RERE: variants seen among roughly 807,000 people sequenced by gnomAD.
RERE encodes arginine-glutamic acid dipeptide repeats.
In RERE, 40 loss-of-function variants were observed where a neutral mutation model predicts 146.1. That is an observed-to-expected ratio of 0.27 (90% CI 0.21 to 0.36). The LOEUF is 0.36. Among genes scored for constraint, RERE ranks in the 10% least tolerant of loss-of-function variants. The pLI is 1.00. For synonymous variants in RERE, 1,003 were observed against 866.0 expected, an observed-to-expected ratio of 1.16 and a Z score of -2.78; for missense variants, 1,933 against 2,138.7, an observed-to-expected ratio of 0.90 and a Z score of 1.90.
intron 15 of RERE, among the ~76,000 whole-genome samples, chr1:8,363,454 G>A (rs1477202241): frequency 6.6e-6 from 1 of 152,134 alleles, no homozygotes; most frequent in Admixed American, 6.5e-5. Context: ...AGCCTCAACG[G>A]CATACAAGGG....
At chr1:8,624,481 A>G (rs1306408239) in intron 2 of RERE, 101 bp from the exon 3 acceptor site, 4 of 703,198 alleles carry the variant, frequency 5.7e-6, no homozygotes, top group East Asian at 2.8e-5. Flanking sequence ...GACAAAGCAC[A>G]TATCTTTTAT....
chr1:8,501,766 A>G (rs1314626059), intron 8 of RERE, among the ~76,000 whole-genome samples: 11 of 52,566 alleles, frequency 2.1e-4, no homozygotes, highest in Admixed American at 2.2e-4. Flanking sequence ...AGGTGGGGGG[A>G]TCAGCCCCCC....
At chr1:8,547,045 A>C (rs1645871263) in intron 6 of RERE, among the ~76,000 whole-genome samples, 1 of 151,276 alleles carries the variant, frequency 6.6e-6, no homozygotes, top group African/African-American at 2.4e-5. Context: ...TAATTAATAA[A>C]TCCAATACAA....
At chr1:8,531,181 C>G (rs1246852113) in intron 7 of RERE, among the ~76,000 whole-genome samples, 1 of 151,982 alleles carries the variant, frequency 6.6e-6, no homozygotes, top group Non-Finnish European at 1.5e-5. Context: ...TTGGATGGGC[C>G]CGGGGGCTCA....
In RERE at chr1:8,550,943, T is replaced by G. The variant is rs532078401; in HGVS notation, c.725+5532A>C. ...GCCCTAAACATATACATGAACCTAG[T>G]TGCTCATAACAAAGTAGGGAGATAA... On this transcript the variant is annotated intron_variant, in intron 6 of 22. Coordinates refer to ENST00000400908, the MANE Select transcript of RERE (RefSeq NM_001042681.2). Among the ~76,000 whole-genome samples the G allele has an allele frequency of 4.6e-5, 7 of 152,354 alleles. No individual in the cohort carries two copies. The South Asian group carries it at 1.2e-3, about 27-fold the overall frequency.
intron 10 of RERE, among the ~76,000 whole-genome samples, chr1:8,467,363 G>A (rs1185577464): frequency 6.6e-6 from 1 of 152,188 alleles, no homozygotes. Flanking sequence ...ACAAGATCAA[G>A]TAGGTTGTAA....
intron 12 of RERE, chr1:8,380,637 A>G: frequency 2.8e-6 from 1 of 357,772 alleles, no homozygotes; most frequent in South Asian, 2.1e-5. Flanking sequence ...GTGAGCCACC[A>G]AGCCTGGCCC....
chr1:8,807,656 G>C (rs1311856138), intron 1 of RERE, among the ~76,000 whole-genome samples: 1 of 152,048 alleles, frequency 6.6e-6, no homozygotes, highest in Non-Finnish European at 1.5e-5. Context: ...GATCAATGAA[G>C]ATTAAAAGTT....
chr1:8,392,778 T>C (rs549992805), intron 12 of RERE, among the ~76,000 whole-genome samples: 3 of 152,234 alleles, frequency 2.0e-5, no homozygotes, highest in African/African-American at 7.2e-5. Context: ...TGGGCCATCC[T>C]GTCTGGAAGA....
At chr1:8,790,614 G>A (rs930729754) in intron 1 of RERE, among the ~76,000 whole-genome samples, 1 of 152,168 alleles carries the variant, frequency 6.6e-6, no homozygotes, top group African/African-American at 2.4e-5. Flanking sequence ...ACAGAGTCTT[G>A]CTCTTGTTAT....
chr1:8,512,313 G>A (rs1645352498), intron 7 of RERE, among the ~76,000 whole-genome samples: 1 of 151,988 alleles, frequency 6.6e-6, no homozygotes, highest in Non-Finnish European at 1.5e-5. Flanking sequence ...GATTACAGGC[G>A]TGAGCCACCG....
intron 1 of RERE, among the ~76,000 whole-genome samples, chr1:8,755,669 G>A (rs111941808): frequency 0.014 from 2,168 of 152,296 alleles, 24 homozygotes; most frequent in Non-Finnish European, 0.022. Flanking sequence ...CAATTTAACT[G>A]ACAAGCTACA....
rs138732947 is a variant in RERE at position 8,698,310 on chromosome 1, CTGTCATTT to C, written c.-144-41877_-144-41870del. 4.7e-3 allele frequency among the ~76,000 whole-genome samples: 720 copies of C among 152,288 alleles called. 3 individuals carry two copies. The highest frequency in any genetic ancestry group is 0.017 in the African/African-American group (693 of 41,540). On this transcript the variant is annotated intron_variant, in intron 1 of 22. Coordinates refer to ENST00000400908, the MANE Select transcript of RERE (RefSeq NM_001042681.2). ...GAACATGCAAAAGGAGGTACTTTCACTGTCATTTTATTAAAAGGCACACAAGTCACTAC... is the reference window on the plus strand; with the variant it reads ...GAACATGCAAAAGGAGGTACTTTCACTATTAAAAGGCACACAAGTCACTAC...
At chr1:8,581,904 T>C (rs1364549874) in intron 4 of RERE, among the ~76,000 whole-genome samples, 1 of 151,966 alleles carries the variant, frequency 6.6e-6, no homozygotes, top group African/African-American at 2.4e-5. Context: ...TACATAGAGA[T>C]TTTTTTTCCA....
chr1:8,361,562 G>A (rs1333898305), intron 17 of RERE, 72 bp from the exon 18 acceptor site: 10 of 1,553,932 alleles, frequency 6.4e-6, no homozygotes, highest in Non-Finnish European at 8.8e-6. Context: ...CACCAGTGCC[G>A]GACACACAGT....
intron 4 of RERE, among the ~76,000 whole-genome samples, chr1:8,562,649 A>T (rs915738857): frequency 2.0e-5 from 3 of 152,130 alleles, no homozygotes; most frequent in Non-Finnish European, 2.9e-5. Flanking sequence ...GCTAATTTTT[A>T]AAATTTTTTT....
rs750425197 is a variant in RERE, at chr1:8,359,837, C to T, written c.3545G>A (p.Arg1182Gln). The T allele has an allele frequency of 7.5e-6, 12 of 1,610,020 alleles. No individual in the cohort carries two copies. Among genetic ancestry groups the T allele is most frequent in the East Asian group, 4.5e-5 (2 of 44,880 alleles). Residue 1182 changes from arginine to glutamine, a missense_variant, in exon 19 of 23, where the codon CGA (arginine) becomes CAA (glutamine). Physicochemically the swap from Arg to Gln is conservative, Grantham distance 43. This residue lies in a region of RERE where 1,255 missense variants were observed against 1,153.8 expected (regional missense o/e 1.09). Coordinates refer to ENST00000400908, the MANE Select transcript of RERE (RefSeq NM_001042681.2). ...REAEQKAREE[R>Q]EREKEKEKER... is the part of the protein sequence containing the mutation. ...CTTCTCCTTCTCCTTCTCCCGCTCT[C>T]GCTCCTCTCGGGCTTTCTGCTCAGC...
rs150980672 is a variant in RERE at position 8,764,048 on chromosome 1, C to T, written c.-145+53112G>A. ...CTCAAGGTCAAGAAGACCTCTGCCA[C>T]CAGCTGCAGTGTACCAATCCTAGGA... On this transcript the variant is annotated intron_variant, in intron 1 of 22. Transcript: ENST00000400908. Among the ~76,000 whole-genome samples, 117 of 152,268 alleles carry T rather than the reference C, an allele frequency of 7.7e-4. 2 individuals carry two copies. The East Asian group carries it at 0.017, about 22-fold the overall frequency.
intron 1 of RERE, among the ~76,000 whole-genome samples, chr1:8,770,042 A>G (rs1640915382): frequency 1.3e-5 from 2 of 152,228 alleles, no homozygotes; most frequent in South Asian, 4.1e-4. Flanking sequence ...CACCCGCTTC[A>G]GCCTCCCAAA....
Sources: allele counts gnomAD v4.1 joint callset (sites outside exome capture counted in the v4.1 genomes callset), GRCh38; gene constraint gnomAD v4.1.1; regional missense constraint gnomAD v4.1.1; transcripts MANE v1.5; gene names NCBI Gene and HGNC (gene_info 2026-07-23, HGNC 2026-07-21).